The following NAALADL2 variants were observed in gnomAD, a reference collection of about 807,000 sequenced individuals.
NAALADL2 encodes N-acetylated alpha-linked acidic dipeptidase like 2, also known as inactive N-acetylated-alpha-linked acidic dipeptidase-like protein 2.
NAALADL2 carries 76 observed loss-of-function variants against 87.2 expected under a neutral mutation model. That is an observed-to-expected ratio of 0.87 (90% CI 0.72 to 1.05). The LOEUF (loss-of-function observed/expected upper bound fraction) is 1.05, where lower values mean the gene tolerates loss of function less well. Ranked by LOEUF, NAALADL2 falls within the 50% of genes least tolerant of loss-of-function variation. The pLI, the probability that NAALADL2 is intolerant of heterozygous loss-of-function variation, is 0.00. For missense variants in NAALADL2, 1,089 were observed against 945.8 expected (o/e 1.15, Z -1.99); for synonymous variants, 354 against 331.0 (o/e 1.07, Z -0.75).
intron 10 of NAALADL2, among the ~76,000 whole-genome samples, chr3:175,590,461 G>C (rs1259561195): frequency 6.6e-6 from 1 of 151,584 alleles, no homozygotes; most frequent in Non-Finnish European, 1.5e-5. Flanking sequence ...TGGTATAGAG[G>C]TTACTTTGAG....
chr3:175,624,945 C>T (rs982080613), intron 10 of NAALADL2, among the ~76,000 whole-genome samples: 2 of 152,006 alleles, frequency 1.3e-5, no homozygotes, highest in Non-Finnish European at 2.9e-5. Flanking sequence ...TTTCTAGCAT[C>T]GAGTTCCTAA....
At chr3:175,267,921 G>C (rs939487195) in intron 4 of NAALADL2, among the ~76,000 whole-genome samples, 1 of 152,100 alleles carries the variant, frequency 6.6e-6, no homozygotes, top group Admixed American at 6.6e-5. Context: ...TGTAATGATA[G>C]TGTTGTCTTC....
At chr3:175,368,422 G>T (rs1307763532) in intron 5 of NAALADL2, among the ~76,000 whole-genome samples, 1 of 152,268 alleles carries the variant, frequency 6.6e-6, no homozygotes, top group South Asian at 2.1e-4. Context: ...AATAGTTTCA[G>T]AAGGAATGGT....
At chr3:175,800,297 C>T (rs532090898) in intron 13 of NAALADL2, among the ~76,000 whole-genome samples, 3 of 152,174 alleles carry the variant, frequency 2.0e-5, no homozygotes, top group African/African-American at 7.2e-5. Flanking sequence ...TCTTGCTACT[C>T]CACCTGGGAG....
chr3:175,368,063 G>A (rs1487417047), intron 5 of NAALADL2, among the ~76,000 whole-genome samples: 4 of 152,142 alleles, frequency 2.6e-5, no homozygotes, highest in Non-Finnish European at 5.9e-5. Flanking sequence ...TTTTTAGCAT[G>A]AAGCGTTGTT....
Position 175,718,195 on chromosome 3 carries a change from G to GTTTC in NAALADL2, c.1897-19108_1897-19107insCTTT, listed in dbSNP as rs1741637372. 8.5e-6 allele frequency: 7 copies of GTTTC among 823,382 alleles called. No individual in the cohort carries two copies. The African/African-American group carries it at 1.6e-4, about 19-fold the overall frequency. The allele number at this position is 823,382 out of a possible 1,614,324, so 51.0% of individuals were successfully genotyped here. The stretch of plus-strand genomic sequence containing the variant: ...TGGAGGGGAAGGGGAAGGGCCTGTG[G>GTTTC]TTTTTTTTTTTTTTTTTTTTTTTTT... On this transcript the variant is annotated intron_variant, in intron 11 of 13. Coordinates refer to ENST00000454872, the MANE Select transcript of NAALADL2 (RefSeq NM_207015.3).
chr3:175,627,011 T>A (rs1727080056), intron 10 of NAALADL2, among the ~76,000 whole-genome samples: 1 of 151,872 alleles, frequency 6.6e-6, no homozygotes, highest in South Asian at 2.1e-4. Flanking sequence ...TTTAAGATTT[T>A]CTGTCCTAAA....
At chr3:174,711,356 A>G (rs1730613183) in intron 2 of NAALADL2, among the ~76,000 whole-genome samples, 1 of 152,138 alleles carries the variant, frequency 6.6e-6, no homozygotes, top group Non-Finnish European at 1.5e-5. Context: ...ACCCACCTCC[A>G]TGCAGGTAAA....
intron 2 of NAALADL2, among the ~76,000 whole-genome samples, chr3:175,142,058 AACT>A (rs1730077612): frequency 6.6e-6 from 1 of 152,032 alleles, no homozygotes; most frequent in Non-Finnish European, 1.5e-5. Context: ...TTCTTTCTTA[AACT>A]ACCCTCGACC....
At chr3:174,899,885 A>AC (rs1388077553) in intron 1 of NAALADL2, among the ~76,000 whole-genome samples, 1 of 152,100 alleles carries the variant, frequency 6.6e-6, no homozygotes, top group East Asian at 1.9e-4. Flanking sequence ...CAGTAAAAAA[A>AC]AAAGTTCTAT....
chr3:174,625,057 C>CTCTCTCTCTTTTTT (rs748895219), intron 2 of NAALADL2, among the ~76,000 whole-genome samples: 1 of 78,846 alleles, frequency 1.3e-5, no homozygotes, highest in East Asian at 6.1e-4. Flanking sequence ...CTCTCTCTCT[C>CTCTCTCTCTTTTTT]TTTTTTTTTT....
At chr3:175,505,889 T>A (rs1253121527) in intron 9 of NAALADL2, among the ~76,000 whole-genome samples, 1 of 152,182 alleles carries the variant, frequency 6.6e-6, no homozygotes, top group African/African-American at 2.4e-5. Flanking sequence ...TTGGATTTTT[T>A]AAAAAGCCTC....
chr3:175,212,803 A>G (rs1407059042), intron 2 of NAALADL2, among the ~76,000 whole-genome samples: 5 of 152,208 alleles, frequency 3.3e-5, no homozygotes, highest in African/African-American at 1.2e-4. Flanking sequence ...AAATAACAAA[A>G]GAGTTGCTGA....
intron 9 of NAALADL2, among the ~76,000 whole-genome samples, chr3:175,530,146 G>T (rs534170799): frequency 2.6e-5 from 4 of 152,166 alleles, no homozygotes; most frequent in Non-Finnish European, 5.9e-5. Flanking sequence ...GACAGGGGTG[G>T]CTGGGGAAAG....
intron 1 of NAALADL2, among the ~76,000 whole-genome samples, chr3:175,057,650 G>A (rs147521026): frequency 2.5e-4 from 38 of 152,276 alleles, no homozygotes; most frequent in African/African-American, 8.4e-4. Flanking sequence ...TTCAAGCAGT[G>A]AGAGCCTTAG....
chr3:175,391,070 A>G (rs988150417), intron 5 of NAALADL2, among the ~76,000 whole-genome samples: 1 of 152,192 alleles, frequency 6.6e-6, no homozygotes, highest in Non-Finnish European at 1.5e-5. Flanking sequence ...AGTGTGTAGT[A>G]GAGTCATAAG....
intron 4 of NAALADL2, among the ~76,000 whole-genome samples, chr3:175,263,896 G>A (rs144024105): frequency 0.016 from 2,403 of 151,738 alleles, 36 homozygotes; most frequent in Middle Eastern, 0.048. Context: ...CTATATTTTG[G>A]TCTAAACTGT....
At chr3:175,546,438 T>C (rs1278479788) in intron 9 of NAALADL2, among the ~76,000 whole-genome samples, 1 of 152,074 alleles carries the variant, frequency 6.6e-6, no homozygotes, top group Non-Finnish European at 1.5e-5. Context: ...CATAATGATG[T>C]TAGCTGGTTA....
At chr3:175,061,933 A>G (rs2109085630) in intron 1 of NAALADL2, among the ~76,000 whole-genome samples, 1 of 152,220 alleles carries the variant, frequency 6.6e-6, no homozygotes, top group African/African-American at 2.4e-5. Flanking sequence ...GGACTTAACC[A>G]CAACTGGAAC....
Sources: gnomAD v4.1 joint callset for allele counts (sites outside exome capture counted in the v4.1 genomes callset) on GRCh38, gnomAD v4.1.1 for gene constraint, MANE v1.5 for transcripts, NCBI Gene and HGNC (gene_info 2026-07-23, HGNC 2026-07-21) for gene names.